Variants in GOLM2 observed in about 807,000 individuals in gnomAD.
GOLM2 encodes protein GOLM2.
Under a neutral mutation model 55.9 loss-of-function variants are expected in GOLM2, and 26 were observed. That is an observed-to-expected ratio of 0.47 (90% CI 0.34 to 0.65). The LOEUF (loss-of-function observed/expected upper bound fraction) is 0.65. Ranked by LOEUF, GOLM2 falls within the 30% of genes least tolerant of loss-of-function variation. GOLM2 has a pLI of 0.01. For missense variants in GOLM2, 486 were observed against 531.8 expected (o/e 0.91, Z 0.85); for synonymous variants, 165 against 194.6 (o/e 0.85, Z 1.27).
At position 44,391,606 on chromosome 15, in the gene GOLM2, AAG is replaced by A. The variant is rs1236424267; in HGVS notation, c.1072+10632_1072+10633del. Among the ~76,000 whole-genome samples, 14 of 139,928 alleles carry A rather than the reference AAG, an allele frequency of 1.0e-4. No homozygotes were observed. The East Asian group carries it at 3.8e-3, about 38-fold the overall frequency. The allele number at this position is 139,928 out of a possible 152,430, so 91.8% of individuals were successfully genotyped here. On this transcript the variant is annotated intron_variant, in intron 8 of 9. Coordinates refer to ENST00000299957, the MANE Select transcript of GOLM2 (RefSeq NM_138423.4). ...TTCTCAATAACAAAAATGAAAAAAAAAGAACATCAATATAGATCCTACAAATA... is the reference window on the plus strand; with the variant it reads ...TTCTCAATAACAAAAATGAAAAAAAAAACATCAATATAGATCCTACAAATA...
intron 6 of GOLM2, among the ~76,000 whole-genome samples, chr15:44,354,517 C>T (rs1285779899): frequency 6.7e-6 from 1 of 150,208 alleles, no homozygotes; most frequent in Non-Finnish European, 1.5e-5. Flanking sequence ...CAAAAAAATA[C>T]TTATAAAACA....
At chr15:44,310,502 C>CCCA (rs1273355935) in intron 1 of GOLM2, among the ~76,000 whole-genome samples, 6 of 124,688 alleles carry the variant, frequency 4.8e-5, no homozygotes, top group African/African-American at 8.9e-5. Flanking sequence ...ACACACACAC[C>CCCA]CACACACACA....
At chr15:44,391,655 G>A (rs543586664) in intron 8 of GOLM2, among the ~76,000 whole-genome samples, 16 of 152,022 alleles carry the variant, frequency 1.1e-4, no homozygotes, top group African/African-American at 3.6e-4. Context: ...CACATGATAA[G>A]AGGTATTATT....
chr15:44,295,473 C>A (rs936147845), intron 1 of GOLM2, among the ~76,000 whole-genome samples: 1 of 152,178 alleles, frequency 6.6e-6, no homozygotes, highest in Non-Finnish European at 1.5e-5. Flanking sequence ...TTCCCTCAAA[C>A]TTTCTGATTT....
intron 1 of GOLM2, among the ~76,000 whole-genome samples, chr15:44,314,533 T>C (rs962272296): frequency 1.3e-5 from 2 of 148,346 alleles, no homozygotes; most frequent in African/African-American, 5.0e-5. Flanking sequence ...CATTCCACTC[T>C]GGGCAATAAG....
intron 1 of GOLM2, among the ~76,000 whole-genome samples, chr15:44,297,270 G>A (rs1567019044): frequency 6.6e-6 from 1 of 152,210 alleles, no homozygotes; most frequent in East Asian, 1.9e-4. Context: ...TGTGAAGCCA[G>A]CCTGAACTTC....
At chr15:44,395,860 A>T (rs1168107600) in intron 8 of GOLM2, among the ~76,000 whole-genome samples, 2 of 152,112 alleles carry the variant, frequency 1.3e-5, no homozygotes, top group Non-Finnish European at 2.9e-5. Context: ...AAAATAAAAT[A>T]AAAAATAAAG....
chr15:44,349,699 T>G (rs964472849), intron 6 of GOLM2, among the ~76,000 whole-genome samples: 1 of 152,156 alleles, frequency 6.6e-6, no homozygotes, highest in Non-Finnish European at 1.5e-5. Context: ...ATTCTTCTCC[T>G]CAGTACATGC....
At chr15:44,323,828 G>A (rs947442507) in intron 2 of GOLM2, among the ~76,000 whole-genome samples, 3 of 152,004 alleles carry the variant, frequency 2.0e-5, no homozygotes, top group East Asian at 3.9e-4. Flanking sequence ...TTGTCCTCTC[G>A]AAGTAGCCAA....
chr15:44,399,903 G>C (rs1172120404), intron 8 of GOLM2, among the ~76,000 whole-genome samples: 3 of 151,800 alleles, frequency 2.0e-5, no homozygotes, highest in Non-Finnish European at 4.4e-5. Context: ...GCTGAAGCAG[G>C]AGAATTGCTT....
At chr15:44,323,669 C>T (rs548828051) in intron 2 of GOLM2, among the ~76,000 whole-genome samples, 1 of 151,688 alleles carries the variant, frequency 6.6e-6, no homozygotes, top group Non-Finnish European at 1.5e-5. Context: ...CCCTCACACC[C>T]TTTGGTTATA....
chr15:44,304,344 C>T (rs2078821365), intron 1 of GOLM2, among the ~76,000 whole-genome samples: 1 of 146,364 alleles, frequency 6.8e-6, no homozygotes, highest in South Asian at 2.2e-4. Flanking sequence ...CAGGTTCAAG[C>T]AATTCTCTTG....
chr15:44,370,369 T>C (rs573490995), intron 6 of GOLM2, among the ~76,000 whole-genome samples: 1 of 152,328 alleles, frequency 6.6e-6, no homozygotes, highest in African/African-American at 2.4e-5. Context: ...GAGCATGGCC[T>C]TTAACTCTAG....
At chr15:44,350,273 A>G (rs1003627123) in intron 6 of GOLM2, among the ~76,000 whole-genome samples, 7 of 152,316 alleles carry the variant, frequency 4.6e-5, no homozygotes, top group Admixed American at 1.3e-4. Context: ...AAATAAAGTC[A>G]GAAATGAAAA....
Position 44,332,004 on chromosome 15 carries a change from C to T in GOLM2, c.502C>T (p.Gln168Ter). The T allele has an allele frequency of 6.2e-7, 1 of 1,603,424 alleles. No individual in the cohort carries two copies. Among genetic ancestry groups the T allele is most frequent in the South Asian group, 1.1e-5 (1 of 90,030 alleles). ...LEYESFQCGQQMKELRAQHEE... is the reference protein window; with the variant it reads ...LEYESFQCGQ ...GTAATTTAGTTTTCAGTGTGGACAG[C>T]AGATGAAGGAATTGAGAGCACAGCA... The change falls in exon 4 of 10, where the codon CAG becomes TAG. Residue 168 changes from glutamine to a stop codon, truncating the protein, a stop_gained. Coordinates refer to ENST00000299957, the MANE Select transcript of GOLM2 (RefSeq NM_138423.4). LOFTEE classifies it high-confidence loss of function.
At chr15:44,337,594 T>G (rs2079065536) in intron 4 of GOLM2, among the ~76,000 whole-genome samples, 169 bp from the exon 5 acceptor site, 1 of 152,128 alleles carries the variant, frequency 6.6e-6, no homozygotes, top group Non-Finnish European at 1.5e-5. Flanking sequence ...TTTTATCAGG[T>G]ATAAAAATCA....
chr15:44,318,582 G>A (rs1318097327), intron 1 of GOLM2, among the ~76,000 whole-genome samples: 1 of 152,090 alleles, frequency 6.6e-6, no homozygotes, highest in East Asian at 1.9e-4. Context: ...GGTGGTATGT[G>A]CCTGTAGTCC....
At chr15:44,382,247 TGTACA>T (rs967986554) in intron 8 of GOLM2, 1 of 152,020 alleles carries the variant, frequency 6.6e-6, no homozygotes, top group Non-Finnish European at 1.5e-5. Flanking sequence ...CAAGAAGAGG[TGTACA>T]GTAAGAGCAT....
At chr15:44,365,975 C>T (rs1479306013) in intron 6 of GOLM2, among the ~76,000 whole-genome samples, 1 of 152,146 alleles carries the variant, frequency 6.6e-6, no homozygotes, top group Admixed American at 6.5e-5. Flanking sequence ...TTTCTATCTT[C>T]CTGTCAGTTT....
Sources: gnomAD v4.1 joint callset for allele counts (sites outside exome capture counted in the v4.1 genomes callset) on GRCh38, gnomAD v4.1.1 for gene constraint, MANE v1.5 for transcripts, NCBI Gene and HGNC (gene_info 2026-07-23, HGNC 2026-07-21) for gene names.